Variants in JARID2 observed in about 807,000 individuals in gnomAD.
The protein encoded by JARID2 is jumonji and AT-rich interaction domain containing 2.
Under a neutral mutation model 125.6 loss-of-function variants are expected in JARID2, and 21 were observed. The observed-to-expected ratio is 0.17, with a 90% CI of 0.12 to 0.24. The LOEUF (loss-of-function observed/expected upper bound fraction) is 0.24, where lower values mean the gene tolerates loss of function less well. Ranked by LOEUF, JARID2 falls within the 10% of genes least tolerant of loss-of-function variation. JARID2 has a pLI of 1.00. For missense variants in JARID2, 1,303 were observed against 1,639.6 expected (o/e 0.79, Z 3.55); for synonymous variants, 736 against 661.6 (o/e 1.11, Z -1.73).
At chr6:15,318,182 G>C (rs895984676) in intron 1 of JARID2, among the ~76,000 whole-genome samples, 19 of 152,082 alleles carry the variant, frequency 1.2e-4, no homozygotes, top group African/African-American at 4.6e-4. Context: ...CTGCACTGCA[G>C]CCTGGGTTAC....
intron 2 of JARID2, among the ~76,000 whole-genome samples, chr6:15,374,577 T>C (rs1241917531): frequency 6.6e-6 from 1 of 152,224 alleles, no homozygotes; most frequent in East Asian, 1.9e-4. Flanking sequence ...GTGGAGTCTT[T>C]AGTTCTTGTC....
At chr6:15,326,297 C>G (rs981840907) in intron 1 of JARID2, among the ~76,000 whole-genome samples, 11 of 152,116 alleles carry the variant, frequency 7.2e-5, no homozygotes, top group Admixed American at 2.6e-4. Flanking sequence ...CCTCAAACAC[C>G]TGGGCTTATG....
At chr6:15,500,776 C>T in intron 7 of JARID2, 131 bp from the exon 8 acceptor site, 1 of 772,330 alleles carries the variant, frequency 1.3e-6, no homozygotes, top group Non-Finnish European at 2.1e-6. Context: ...CTGCTGTTCA[C>T]CACTCTCACC....
chr6:15,361,873 T>G (rs980268912), intron 1 of JARID2, among the ~76,000 whole-genome samples: 10 of 151,400 alleles, frequency 6.6e-5, no homozygotes, highest in African/African-American at 2.4e-4. Flanking sequence ...TTAAATCTTG[T>G]CTTTGGATTG....
intron 2 of JARID2, among the ~76,000 whole-genome samples, chr6:15,409,368 G>A (rs1234342752): frequency 6.6e-6 from 1 of 152,216 alleles, no homozygotes; most frequent in Middle Eastern, 3.2e-3. Flanking sequence ...TTGCCTTCGA[G>A]GGTTGTGACT....
intron 1 of JARID2, among the ~76,000 whole-genome samples, chr6:15,325,462 C>G (rs1050515558): frequency 6.6e-6 from 1 of 152,138 alleles, no homozygotes; most frequent in Middle Eastern, 3.2e-3. Context: ...ACAGCTTGTC[C>G]TGAATTTAGC....
intron 1 of JARID2, among the ~76,000 whole-genome samples, chr6:15,370,330 GTTTTTTTTT>G (rs33981169): frequency 1.8e-5 from 2 of 114,272 alleles, no homozygotes; most frequent in East Asian, 5.1e-4. Context: ...TATCTGGGCT[GTTTTTTTTT>G]TTTTTTTTTT....
intron 5 of JARID2, among the ~76,000 whole-genome samples, chr6:15,469,408 C>G (rs1465272573): frequency 9.3e-6 from 1 of 107,122 alleles, no homozygotes; most frequent in Non-Finnish European, 1.9e-5. Flanking sequence ...CCCTCTCCCC[C>G]TCTCCGCTTC....
intron 3 of JARID2, among the ~76,000 whole-genome samples, chr6:15,449,085 G>A (rs369936149): frequency 1.6e-3 from 246 of 151,964 alleles, no homozygotes; most frequent in Non-Finnish European, 3.0e-3. Flanking sequence ...GAATATCCCC[G>A]TCACCCTAAC....
intron 4 of JARID2, among the ~76,000 whole-genome samples, chr6:15,457,185 G>A (rs889821373): frequency 4.7e-4 from 72 of 152,176 alleles, no homozygotes; most frequent in African/African-American, 1.6e-3. Context: ...TGTTCCATTT[G>A]GTGAATGTCT....
At chr6:15,358,988 A>G (rs1275799849) in intron 1 of JARID2, among the ~76,000 whole-genome samples, 1 of 152,220 alleles carries the variant, frequency 6.6e-6, no homozygotes, top group Non-Finnish European at 1.5e-5. Flanking sequence ...ATGCCTGACC[A>G]CTAGTATTCT....
At chr6:15,295,418 T>A (rs1317351764) in intron 1 of JARID2, among the ~76,000 whole-genome samples, 1 of 152,128 alleles carries the variant, frequency 6.6e-6, no homozygotes, top group East Asian at 1.9e-4. Flanking sequence ...ACTGCTCCTG[T>A]CATTTCTAAT....
intron 1 of JARID2, among the ~76,000 whole-genome samples, chr6:15,344,883 A>G (rs1015636399): frequency 2.6e-5 from 4 of 152,192 alleles, no homozygotes; most frequent in Non-Finnish European, 5.9e-5. Flanking sequence ...AAGGCATTGC[A>G]TTACCTGCCG....
At chr6:15,371,163 T>G (rs72836303) in intron 1 of JARID2, among the ~76,000 whole-genome samples, 2,323 of 152,340 alleles carry the variant, frequency 0.015, 34 homozygotes, top group Non-Finnish European at 0.023. Flanking sequence ...TTAAATGCGC[T>G]TCCTTTCTTG....
chr6:15,421,160 G>A (rs1766471417), intron 3 of JARID2, among the ~76,000 whole-genome samples: 1 of 152,054 alleles, frequency 6.6e-6, no homozygotes, highest in Non-Finnish European at 1.5e-5. Flanking sequence ...ATTCTCTCAG[G>A]GCAGTGAGCT....
intron 16 of JARID2, among the ~76,000 whole-genome samples, chr6:15,515,489 A>AT (rs1244671573): frequency 6.6e-6 from 1 of 152,164 alleles, no homozygotes; most frequent in Non-Finnish European, 1.5e-5. Flanking sequence ...CCTGAAAGTT[A>AT]TTTTAAGAAG....
At chr6:15,310,316 G>C (rs1005795308) in intron 1 of JARID2, among the ~76,000 whole-genome samples, 12 of 152,172 alleles carry the variant, frequency 7.9e-5, no homozygotes, top group Admixed American at 2.6e-4. Flanking sequence ...CCTCTTTGTG[G>C]AATGAAATTA....
In JARID2 at chr6:15,489,611, C is replaced by T. The variant is rs1337746160; in HGVS notation, c.906+2069C>T. 5.9e-5 allele frequency among the ~76,000 whole-genome samples: 9 copies of T among 152,246 alleles called. No individual in the cohort carries two copies. In the South Asian group the frequency reaches 1.2e-3, roughly 21 times the overall value. On this transcript the variant is annotated intron_variant, in intron 6 of 17. Coordinates refer to ENST00000341776, the MANE Select transcript of JARID2 (RefSeq NM_004973.4). Reference sequence around the variant, plus strand: ...GCTGAGGAGGAACAGAAAGTACTGCCTTAGCCTGGGATGGCCCTGCCTGCC... The same window carrying T: ...GCTGAGGAGGAACAGAAAGTACTGCTTTAGCCTGGGATGGCCCTGCCTGCC...
At chr6:15,519,145 T>C (rs13213814) in intron 17 of JARID2, among the ~76,000 whole-genome samples, 29,631 of 152,118 alleles carry the variant, frequency 0.19, 3,300 homozygotes, top group Non-Finnish European at 0.26. Flanking sequence ...GGGAACGGTG[T>C]CCTCCTGTAA....
Sources: gnomAD v4.1 joint callset for allele counts (sites outside exome capture counted in the v4.1 genomes callset) on GRCh38, gnomAD v4.1.1 for gene constraint, MANE v1.5 for transcripts, NCBI Gene and HGNC (gene_info 2026-07-23, HGNC 2026-07-21) for gene names.